Variants in SLC16A12 observed in about 807,000 individuals in gnomAD.
The protein encoded by SLC16A12 is monocarboxylate transporter 12.
In SLC16A12, 17 loss-of-function variants were observed where a neutral mutation model predicts 42.4. The observed-to-expected ratio is 0.40, with a 90% CI of 0.27 to 0.60. SLC16A12 has a LOEUF of 0.60. SLC16A12 is among the 20% of genes least tolerant of loss of function. The pLI is 0.42. For synonymous variants in SLC16A12, 224 were observed against 229.4 expected (o/e 0.98, Z 0.21); for missense variants, 544 against 623.0 (o/e 0.87, Z 1.35).
intron 2 of SLC16A12, among the ~76,000 whole-genome samples, chr10:89,471,256 G>A (rs1200441857): frequency 6.6e-6 from 1 of 152,170 alleles, no homozygotes; most frequent in Non-Finnish European, 1.5e-5. Context: ...CTCCCTTGCA[G>A]TCAATCTTCA....
chr10:89,529,363 A>G (rs1445040635), intron 2 of SLC16A12, among the ~76,000 whole-genome samples: 1 of 152,116 alleles, frequency 6.6e-6, no homozygotes, highest in Non-Finnish European at 1.5e-5. Flanking sequence ...GAATATTTTG[A>G]AAAAAACATA....
At position 89,519,472 on chromosome 10, in the gene SLC16A12, G is replaced by A. The variant is rs542206648; in HGVS notation, c.-47+15029C>T. ...CATAAATTGTTTGAGAGTATAGCAG[G>A]GATCCCAGCGTGAGAACCGGAACTA... On this transcript the variant is annotated intron_variant, in intron 2 of 7. Coordinates refer to ENST00000371790, the MANE Select transcript of SLC16A12 (RefSeq NM_213606.4). Among the ~76,000 whole-genome samples the A allele has an allele frequency of 2.6e-5, 4 of 152,138 alleles. No homozygotes were observed. In the South Asian group the frequency reaches 8.3e-4, roughly 32 times the overall value.
chr10:89,540,103 C>A (rs906698179), upstream of SLC16A12, among the ~76,000 whole-genome samples: 5 of 141,346 alleles, frequency 3.5e-5, no homozygotes, highest in Non-Finnish European at 7.7e-5. Flanking sequence ...TTTCTTTCTT[C>A]TTTTGTTGCT....
chr10:89,555,550 C>T (rs558174626), intron 2 of SLC16A12, among the ~76,000 whole-genome samples: 20 of 107,596 alleles, frequency 1.9e-4, no homozygotes, highest in African/African-American at 3.1e-4. Context: ...TATGTATATA[C>T]GTATATATAC....
upstream of SLC16A12, among the ~76,000 whole-genome samples, chr10:89,538,914 C>T (rs963544331): frequency 1.3e-5 from 2 of 152,270 alleles, no homozygotes; most frequent in African/African-American, 2.4e-5. Flanking sequence ...TTGGCAATAA[C>T]GTCCCTTCCC....
At chr10:89,466,114 G>A (rs1032072809) in intron 2 of SLC16A12, among the ~76,000 whole-genome samples, 1 of 152,142 alleles carries the variant, frequency 6.6e-6, no homozygotes, top group Non-Finnish European at 1.5e-5. Context: ...ATGTCTCTGA[G>A]CCTCAGTTTA....
At chr10:89,505,115 A>G (rs1843039952) in intron 2 of SLC16A12, among the ~76,000 whole-genome samples, 1 of 152,180 alleles carries the variant, frequency 6.6e-6, no homozygotes. Context: ...AAAGACAATA[A>G]AAATCATCCA....
intron 2 of SLC16A12, among the ~76,000 whole-genome samples, chr10:89,494,888 T>C (rs766068688): frequency 1.3e-4 from 20 of 152,156 alleles, no homozygotes; most frequent in Non-Finnish European, 2.8e-4. Context: ...GGAAGAAAAC[T>C]GGTATTTAGT....
intron 2 of SLC16A12, among the ~76,000 whole-genome samples, chr10:89,525,220 CAAAAAAA>C (rs869295721): frequency 0.093 from 6,024 of 64,644 alleles, 216 homozygotes; most frequent in East Asian, 0.4. Flanking sequence ...GACACCATAT[CAAAAAAA>C]AAAAAAAAAA....
At chr10:89,507,905 C>T (rs1300467444) in intron 2 of SLC16A12, among the ~76,000 whole-genome samples, 11 of 151,512 alleles carry the variant, frequency 7.3e-5, no homozygotes, top group Non-Finnish European at 1.6e-4. Flanking sequence ...AAATGGAAAG[C>T]GAAAAAAAGC....
At chr10:89,490,705 T>C (rs767558264) in intron 2 of SLC16A12, among the ~76,000 whole-genome samples, 1 of 152,174 alleles carries the variant, frequency 6.6e-6, no homozygotes, top group Non-Finnish European at 1.5e-5. Context: ...TCCCTTCAGT[T>C]AGGGTTTTTA....
intron 2 of SLC16A12, among the ~76,000 whole-genome samples, chr10:89,509,845 T>A (rs1843135122): frequency 1.3e-5 from 2 of 152,166 alleles, no homozygotes; most frequent in African/African-American, 4.8e-5. Context: ...GAAAACCCCA[T>A]CATCTCAGCC....
rs1406291749 is a variant in SLC16A12 at position 89,505,260 on chromosome 10, CA to C, written c.-47+29240del. 2.0e-5 allele frequency among the ~76,000 whole-genome samples: 3 copies of C among 151,760 alleles called. No homozygotes were observed. The East Asian group carries it at 5.8e-4, about 29-fold the overall frequency. ...TGAAACCCCATCTCTACTAAAAATA[CA>C]AAAAATTAGCCTGGCGTGGTGGCAA... On this transcript the variant is annotated intron_variant, in intron 2 of 7. Coordinates refer to ENST00000371790, the MANE Select transcript of SLC16A12 (RefSeq NM_213606.4).
chr10:89,506,476 G>A (rs1411878066), intron 2 of SLC16A12, among the ~76,000 whole-genome samples: 2 of 152,186 alleles, frequency 1.3e-5, no homozygotes, highest in African/African-American at 4.8e-5. Flanking sequence ...ACCTGCAGCT[G>A]AGGGGTCTGA....
chr10:89,483,713 T>G (rs1443063361), intron 2 of SLC16A12, among the ~76,000 whole-genome samples: 1 of 137,330 alleles, frequency 7.3e-6, no homozygotes, highest in African/African-American at 2.8e-5. Context: ...ACTCCAGCCT[T>G]GGCAACATAG....
chr10:89,499,810 C>T (rs1189902846), intron 2 of SLC16A12, among the ~76,000 whole-genome samples: 2 of 151,602 alleles, frequency 1.3e-5, no homozygotes, highest in Non-Finnish European at 2.9e-5. Flanking sequence ...CAGAGCAGAA[C>T]TAAATGAAAT....
Position 89,485,238 on chromosome 10 carries a change from A to T in SLC16A12, c.-46-22614T>A, listed in dbSNP as rs374228519. On this transcript the variant is annotated intron_variant, in intron 2 of 7. Coordinates refer to ENST00000371790, the MANE Select transcript of SLC16A12 (RefSeq NM_213606.4). ...GGCATCTAGGGCACAGAGGCCAGGG[A>T]TGCTGCTGAACATTCCACAGGACAT... is the stretch of plus-strand genomic sequence containing the variant. 1.3e-4 allele frequency among the ~76,000 whole-genome samples: 20 copies of T among 152,356 alleles called. No individual in the cohort carries two copies. In the South Asian group the frequency reaches 3.9e-3, roughly 30 times the overall value.
intron 2 of SLC16A12, among the ~76,000 whole-genome samples, chr10:89,526,131 C>T (rs968518539): frequency 1.3e-5 from 2 of 152,094 alleles, no homozygotes; most frequent in Admixed American, 6.5e-5. Context: ...ATCATGCTAC[C>T]CCCCGCCCCC....
At chr10:89,513,722 A>T (rs1843200427) in intron 2 of SLC16A12, among the ~76,000 whole-genome samples, 1 of 152,204 alleles carries the variant, frequency 6.6e-6, no homozygotes, top group African/African-American at 2.4e-5. Flanking sequence ...AGACCAGTAG[A>T]ACAAGGGACT....
Sources: gnomAD v4.1 joint callset for allele counts (sites outside exome capture counted in the v4.1 genomes callset) on GRCh38, gnomAD v4.1.1 for gene constraint, MANE v1.5 for transcripts, NCBI Gene and HGNC (gene_info 2026-07-23, HGNC 2026-07-21) for gene names.